Variants in UVRAG observed in about 807,000 individuals in gnomAD.
UVRAG encodes UV radiation resistance-associated gene protein.
Under a neutral mutation model 78.0 loss-of-function variants are expected in UVRAG, and 19 were observed. The ratio of observed to expected loss-of-function variants is 0.24; its 90% CI spans 0.17 to 0.36. UVRAG has a LOEUF of 0.36. Among genes scored for constraint, UVRAG ranks in the 10% least tolerant of loss-of-function variants. The pLI is 1.00. For missense variants in UVRAG, 740 were observed against 853.8 expected, an observed-to-expected ratio of 0.87 and a Z score of 1.66; for synonymous variants, 323 against 324.6, an observed-to-expected ratio of 1.00 and a Z score of 0.05.
At chr11:75,928,867 G>A (rs1205425167) in intron 6 of UVRAG, among the ~76,000 whole-genome samples, 3 of 146,504 alleles carry the variant, frequency 2.0e-5, no homozygotes, top group African/African-American at 7.6e-5. Flanking sequence ...ACGTGAACCC[G>A]GGAAGCAGAG....
chr11:75,885,282 T>C (rs1288535644), intron 4 of UVRAG, among the ~76,000 whole-genome samples: 1 of 152,128 alleles, frequency 6.6e-6, no homozygotes, highest in Non-Finnish European at 1.5e-5. Context: ...TGTATCATCC[T>C]AACTTGCGTG....
At chr11:75,990,368 CTGA>C (rs1463117506) in intron 8 of UVRAG, among the ~76,000 whole-genome samples, 1 of 152,128 alleles carries the variant, frequency 6.6e-6, no homozygotes, top group African/African-American at 2.4e-5. Flanking sequence ...CCAAGTTCTG[CTGA>C]TGTTTCTGGT....
chr11:76,029,311 A>G (rs1950391792), intron 12 of UVRAG, among the ~76,000 whole-genome samples: 1 of 152,144 alleles, frequency 6.6e-6, no homozygotes, highest in Non-Finnish European at 1.5e-5. Flanking sequence ...CTAACATAGT[A>G]TCCATTCCGC....
intron 6 of UVRAG, among the ~76,000 whole-genome samples, chr11:75,938,450 G>C (rs1021346012): frequency 1.3e-5 from 2 of 151,898 alleles, no homozygotes; most frequent in African/African-American, 2.4e-5. Context: ...ATTGTTTGTT[G>C]GATATTTTTG....
chr11:75,874,824 T>C (rs1946730156), intron 3 of UVRAG, among the ~76,000 whole-genome samples: 1 of 152,240 alleles, frequency 6.6e-6, no homozygotes, highest in African/African-American at 2.4e-5. Flanking sequence ...ATTATGCAGT[T>C]CAACAACGTG....
At chr11:75,839,752 GA>G (rs34538746) in intron 1 of UVRAG, among the ~76,000 whole-genome samples, 29,115 of 151,066 alleles carry the variant, frequency 0.19, 4,300 homozygotes, top group African/African-American at 0.41. Context: ...TTTTATATAT[GA>G]ATATATTCAT....
chr11:76,054,168 A>G (rs1174448188), intron 12 of UVRAG, among the ~76,000 whole-genome samples: 1 of 152,164 alleles, frequency 6.6e-6, no homozygotes, highest in Admixed American at 6.5e-5. Flanking sequence ...ATTTTATAAA[A>G]AGATGGCAAT....
At chr11:75,842,236 G>A (rs953306424) in intron 1 of UVRAG, among the ~76,000 whole-genome samples, 3 of 152,146 alleles carry the variant, frequency 2.0e-5, no homozygotes, top group African/African-American at 7.2e-5. Context: ...CTTAATGGAT[G>A]ACAGGGGTGG....
At chr11:76,029,922 T>G (rs993587103) in intron 12 of UVRAG, among the ~76,000 whole-genome samples, 8 of 151,476 alleles carry the variant, frequency 5.3e-5, no homozygotes, top group Middle Eastern at 3.4e-3. Context: ...CCACCCTGAT[T>G]AGTCAATAGC....
At chr11:76,110,853 A>G (rs1433816161) in intron 13 of UVRAG, among the ~76,000 whole-genome samples, 1 of 152,086 alleles carries the variant, frequency 6.6e-6, no homozygotes, top group Non-Finnish European at 1.5e-5. Context: ...ATATATATAT[A>G]TGAGACTTTT....
chr11:76,039,445 A>G (rs1950599846), intron 12 of UVRAG, among the ~76,000 whole-genome samples: 1 of 152,264 alleles, frequency 6.6e-6, no homozygotes. Context: ...TGTCTTTACA[A>G]TAAAATATTG....
At chr11:76,089,928 C>T (rs767012496) in intron 13 of UVRAG, among the ~76,000 whole-genome samples, 7 of 152,072 alleles carry the variant, frequency 4.6e-5, no homozygotes, top group Non-Finnish European at 4.4e-5. Context: ...GCCAGAAGGA[C>T]CCTGGAGAAA....
At chr11:75,980,498 T>C (rs1315559616) in intron 7 of UVRAG, among the ~76,000 whole-genome samples, 5 of 152,162 alleles carry the variant, frequency 3.3e-5, no homozygotes, top group African/African-American at 1.2e-4. Flanking sequence ...CTACTGTGAG[T>C]TTTGGTAGAT....
intron 12 of UVRAG, among the ~76,000 whole-genome samples, chr11:76,058,461 A>G (rs1039613561): frequency 8.9e-5 from 13 of 145,446 alleles, no homozygotes; most frequent in African/African-American, 3.0e-4. Flanking sequence ...TGTGCCCGGG[A>G]GGTCAGAGGC....
chr11:75,986,165 C>T (rs920869651), intron 8 of UVRAG, among the ~76,000 whole-genome samples: 1 of 152,238 alleles, frequency 6.6e-6, no homozygotes, highest in Admixed American at 6.5e-5. Flanking sequence ...GACATCTTTA[C>T]AATATTGAGG....
At chr11:75,933,418 T>TG (rs1314260366) in intron 6 of UVRAG, among the ~76,000 whole-genome samples, 1 of 152,106 alleles carries the variant, frequency 6.6e-6, no homozygotes, top group East Asian at 1.9e-4. Flanking sequence ...AAGAAAATAT[T>TG]GGGGAACTCT....
chr11:75,901,702 A>G (rs2134988902), intron 5 of UVRAG, among the ~76,000 whole-genome samples: 1 of 152,246 alleles, frequency 6.6e-6, no homozygotes, highest in Non-Finnish European at 1.5e-5. Context: ...ATTTTTCTAA[A>G]ATGATCATAT....
At chr11:75,855,255 TCAATC>T (rs1946263080) in intron 2 of UVRAG, among the ~76,000 whole-genome samples, 2 of 152,230 alleles carry the variant, frequency 1.3e-5, no homozygotes, top group African/African-American at 2.4e-5. Flanking sequence ...ATGAGATATC[TCAATC>T]CAATCCTCAA....
chr11:76,022,237 C>T (rs1429502515), intron 12 of UVRAG, among the ~76,000 whole-genome samples: 1 of 152,076 alleles, frequency 6.6e-6, no homozygotes, highest in Non-Finnish European at 1.5e-5. Flanking sequence ...GGAGAACATT[C>T]TACATGCACT....
Sources: gnomAD v4.1 joint callset for allele counts (sites outside exome capture counted in the v4.1 genomes callset) on GRCh38, gnomAD v4.1.1 for gene constraint, MANE v1.5 for transcripts, NCBI Gene and HGNC (gene_info 2026-07-23, HGNC 2026-07-21) for gene names.